The following LDLRAD3 variants were observed in gnomAD, a reference collection of about 807,000 sequenced individuals.
LDLRAD3 encodes the protein low-density lipoprotein receptor class A domain-containing protein 3.
LDLRAD3 carries 20 observed loss-of-function variants against 29.4 expected under a neutral mutation model. That is an observed-to-expected ratio of 0.68 (90% CI 0.48 to 0.99). The LOEUF is 0.99. Ranked by LOEUF, LDLRAD3 falls within the 50% of genes least tolerant of loss-of-function variation. The probability of loss-of-function intolerance (pLI) is 0.00; values close to 1 mark genes in which losing one functional copy is unlikely to be tolerated. For synonymous variants in LDLRAD3, 157 were observed against 192.7 expected (o/e 0.81, Z 1.53); for missense variants, 420 against 454.3 (o/e 0.92, Z 0.69).
In LDLRAD3 at chr11:36,227,159, A is replaced by G; in HGVS notation, c.529A>G (p.Ile177Val). ...TTACCCCAGCATCACCTATGCCATC[A>G]TCGGCAGCTCCGTCATTTTTGTGCT... ...VYYPSITYAI[I>V]GSSVIFVLVV... is the part of the protein sequence containing the mutation. The change falls in exon 5 of 6, where the codon ATC becomes GTC. Residue 177 changes from isoleucine to valine, a missense_variant. Physicochemically the swap from Ile to Val is conservative, Grantham distance 29 (BLOSUM62 3). Transcript: ENST00000315571. 1 of 1,614,128 alleles carries G rather than the reference A, an allele frequency of 6.2e-7. No homozygotes were observed. Among genetic ancestry groups the G allele is most frequent in the Non-Finnish European group, 8.5e-7 (1 of 1,180,012 alleles).
chr11:36,083,767 CACACACACACACA>C (rs1565210928), intron 3 of LDLRAD3, among the ~76,000 whole-genome samples: 25 of 132,276 alleles, frequency 1.9e-4, no homozygotes, highest in Non-Finnish European at 3.1e-4. Flanking sequence ...CACACACACA[CACACACACACACA>C]CCCCAGAATA....
chr11:36,043,543 G>A (rs1852409425), intron 2 of LDLRAD3, among the ~76,000 whole-genome samples: 3 of 152,192 alleles, frequency 2.0e-5, no homozygotes, highest in Admixed American at 1.3e-4. Flanking sequence ...CCTTGTGGAT[G>A]TAATTAGTTA....
chr11:36,196,814 A>G (rs1855040155), intron 4 of LDLRAD3: 1 of 152,210 alleles, frequency 6.6e-6, no homozygotes, highest in Non-Finnish European at 1.5e-5. Context: ...AGTAATGCCT[A>G]CATGGTTTTA....
intron 4 of LDLRAD3, among the ~76,000 whole-genome samples, chr11:36,169,765 A>G (rs558011580): frequency 6.6e-6 from 1 of 152,356 alleles, no homozygotes; most frequent in Admixed American, 6.5e-5. Flanking sequence ...ATGGGAGTGC[A>G]GGCATCTTTT....
intron 2 of LDLRAD3, among the ~76,000 whole-genome samples, chr11:36,038,161 G>A (rs1283752395): frequency 6.6e-6 from 1 of 152,110 alleles, no homozygotes; most frequent in Middle Eastern, 3.2e-3. Flanking sequence ...GCCTTCCAAC[G>A]TGCTGGGATT....
chr11:36,088,157 C>T (rs560469741), intron 3 of LDLRAD3, among the ~76,000 whole-genome samples: 2 of 152,124 alleles, frequency 1.3e-5, no homozygotes, highest in East Asian at 1.9e-4. Context: ...ACCCAGCCCC[C>T]CAAAACCAGT....
chr11:36,088,965 C>G (rs1215124963), intron 3 of LDLRAD3, among the ~76,000 whole-genome samples: 1 of 152,174 alleles, frequency 6.6e-6, no homozygotes, highest in Non-Finnish European at 1.5e-5. Context: ...CTGCTTCATC[C>G]TTCCCCACAC....
In LDLRAD3 at chr11:36,110,467, G is replaced by A. The variant is rs185844976; in HGVS notation, c.454+12006G>A. On this transcript the variant is annotated intron_variant, in intron 4 of 5. Coordinates refer to ENST00000315571, the MANE Select transcript of LDLRAD3 (RefSeq NM_174902.4). Reference sequence around the variant, plus strand: ...CAGAGCAGTCAGGGATCAGGGGTAGGGCTTGCTGTCTCTCTGCAAGTTTGC... The same window carrying A: ...CAGAGCAGTCAGGGATCAGGGGTAGAGCTTGCTGTCTCTCTGCAAGTTTGC... Among the ~76,000 whole-genome samples the A allele has an allele frequency of 3.3e-5, 5 of 152,172 alleles. 1 individual carries two copies. The East Asian group carries it at 9.7e-4, about 29-fold the overall frequency.
intron 2 of LDLRAD3, among the ~76,000 whole-genome samples, chr11:36,059,353 T>C (rs2133231757): frequency 1.6e-5 from 1 of 63,728 alleles, no homozygotes; most frequent in Middle Eastern, 6.6e-3. Flanking sequence ...TGAAACCCTG[T>C]CTCAGAAAAA....
At chr11:35,955,896 G>T (rs573627495) in intron 1 of LDLRAD3, among the ~76,000 whole-genome samples, 68 of 152,376 alleles carry the variant, frequency 4.5e-4, no homozygotes, top group African/African-American at 1.6e-3. Context: ...GGACTGACCA[G>T]TTCCTTGGGG....
At chr11:36,015,918 G>A (rs999807416) in intron 1 of LDLRAD3, among the ~76,000 whole-genome samples, 3 of 152,180 alleles carry the variant, frequency 2.0e-5, no homozygotes, top group Non-Finnish European at 2.9e-5. Flanking sequence ...GAATGAGCTC[G>A]TCTGTTTTCC....
intron 1 of LDLRAD3, among the ~76,000 whole-genome samples, chr11:36,015,773 C>A (rs955818415): frequency 6.6e-6 from 1 of 152,076 alleles, no homozygotes; most frequent in Admixed American, 6.5e-5. Flanking sequence ...TAGTTTCCAC[C>A]TCATCTTCCA....
intron 2 of LDLRAD3, 100 bp from the exon 3 acceptor site, chr11:36,081,553 T>G: frequency 1.3e-6 from 2 of 1,487,588 alleles, no homozygotes; most frequent in Non-Finnish European, 1.9e-6. Flanking sequence ...TTAAGATGAA[T>G]CTTAAGTGGA....
chr11:36,085,017 A>G (rs2133260726), intron 3 of LDLRAD3, among the ~76,000 whole-genome samples: 1 of 152,286 alleles, frequency 6.6e-6, no homozygotes, highest in East Asian at 1.9e-4. Flanking sequence ...CCAGATATTC[A>G]CCATTTGATC....
At chr11:36,128,850 AG>A (rs1413390195) in intron 4 of LDLRAD3, among the ~76,000 whole-genome samples, 2 of 130,412 alleles carry the variant, frequency 1.5e-5, no homozygotes, top group Admixed American at 1.5e-4. Flanking sequence ...CTGTGTCTCA[AG>A]GAAAAAAAAA....
rs960003588 is a variant in LDLRAD3 at position 35,950,686 on chromosome 11, A to G, written c.46+6542A>G. On this transcript the variant is annotated intron_variant, in intron 1 of 5. Coordinates refer to ENST00000315571, the MANE Select transcript of LDLRAD3 (RefSeq NM_174902.4). Reference sequence around the variant, plus strand: ...TTCTTTTGTGGTGTCTAGAAGAGTGAGAGTGGCTCCCATTCATTGAAGGTT... The same window carrying G: ...TTCTTTTGTGGTGTCTAGAAGAGTGGGAGTGGCTCCCATTCATTGAAGGTT... Among the ~76,000 whole-genome samples the G allele has an allele frequency of 5.3e-5, 8 of 152,270 alleles. No individual in the cohort carries two copies. The East Asian group carries it at 1.5e-3, about 29-fold the overall frequency.
At chr11:36,072,450 G>A (rs996726981) in intron 2 of LDLRAD3, among the ~76,000 whole-genome samples, 5 of 152,196 alleles carry the variant, frequency 3.3e-5, no homozygotes, top group African/African-American at 1.2e-4. Flanking sequence ...AGACAGATTG[G>A]GAGCTACAGG....
intron 1 of LDLRAD3, among the ~76,000 whole-genome samples, chr11:35,959,293 A>G (rs562997209): frequency 2.0e-5 from 3 of 152,310 alleles, no homozygotes; most frequent in East Asian, 1.9e-4. Context: ...TGAATCTCCT[A>G]TTCTAGAAAA....
At position 36,232,037 on chromosome 11, in the gene LDLRAD3, A is replaced by G. The variant is rs1448238374; in HGVS notation, c.*2640A>G. 1 of 152,242 alleles carries G rather than the reference A, an allele frequency of 6.6e-6. No homozygotes were observed. The highest frequency in any genetic ancestry group is 1.5e-5 in the Non-Finnish European group (1 of 68,050). 9.4% of individuals were successfully genotyped at this position (152,242 alleles called of 1,614,324 possible). On this transcript the variant is annotated 3_prime_UTR_variant, in exon 6 of 6. Coordinates refer to ENST00000315571, the MANE Select transcript of LDLRAD3 (RefSeq NM_174902.4). ...AGTGTGTGACGCTCAAAGTTAATGTAAACTGGAAAGGTTGTGTGTCGTTGC... is the reference window on the plus strand; with the variant it reads ...AGTGTGTGACGCTCAAAGTTAATGTGAACTGGAAAGGTTGTGTGTCGTTGC...
Sources: gnomAD v4.1 joint callset for allele counts (sites outside exome capture counted in the v4.1 genomes callset) on GRCh38, gnomAD v4.1.1 for gene constraint, MANE v1.5 for transcripts, NCBI Gene and HGNC (gene_info 2026-07-23, HGNC 2026-07-21) for gene names.